CLOCK: variants seen among roughly 807,000 people sequenced by gnomAD.
CLOCK encodes the protein circadian locomoter output cycles protein kaput.
CLOCK carries 43 observed loss-of-function variants against 118.4 expected under a neutral mutation model. The observed-to-expected ratio is 0.36, with a 90% CI of 0.28 to 0.47. The LOEUF (loss-of-function observed/expected upper bound fraction) is 0.47, where lower values mean the gene tolerates loss of function less well. CLOCK is among the 20% of genes least tolerant of loss of function. The probability of loss-of-function intolerance (pLI) is 1.00; values close to 1 mark genes in which losing one functional copy is unlikely to be tolerated. For synonymous variants in CLOCK, 326 were observed against 339.2 expected, an observed-to-expected ratio of 0.96 and a Z score of 0.43; for missense variants, 846 against 999.9, an observed-to-expected ratio of 0.85 and a Z score of 2.08.
At chr4:55,482,863 T>C in intron 3 of CLOCK, 35 bp from the exon 4 acceptor site, 1 of 1,043,020 alleles carries the variant, frequency 9.6e-7, no homozygotes, top group Non-Finnish European at 1.5e-6. Context: ...GTCATTAGTT[T>C]TCTAAAAATG....
intron 2 of CLOCK, among the ~76,000 whole-genome samples, chr4:55,508,187 C>T (rs966581738): frequency 6.6e-6 from 1 of 152,194 alleles, no homozygotes; most frequent in African/African-American, 2.4e-5. Context: ...CAATGAACTA[C>T]TTTTGTTTCA....
chr4:55,449,489 T>C lies in CLOCK; in HGVS notation c.1356A>G (p.Pro452=). ...HTAVSDPSST[P]TKIPTDTSTP... ...TGCTCGTATCCGTCGGGATCTTGGTTGGTGTTGCTGAAGTCAACAAAATCA... is the reference window on the plus strand; with the variant it reads ...TGCTCGTATCCGTCGGGATCTTGGTCGGTGTTGCTGAAGTCAACAAAATCA... Residue 452 remains proline, a synonymous_variant, in exon 17 of 23, where the codon CCA becomes CCG. Coordinates refer to ENST00000513440, the MANE Select transcript of CLOCK (RefSeq NM_004898.4). 5 of 1,614,010 alleles carry C rather than the reference T, an allele frequency of 3.1e-6. No individual in the cohort carries two copies. Among genetic ancestry groups the C allele is most frequent in the Non-Finnish European group, 4.2e-6 (5 of 1,179,894 alleles).
chr4:55,527,520 T>A (rs1730284731), intron 1 of CLOCK, among the ~76,000 whole-genome samples: 2 of 151,872 alleles, frequency 1.3e-5, no homozygotes, highest in African/African-American at 4.8e-5. Context: ...ATACCTTTTT[T>A]AAAAAAAGAT....
intron 15 of CLOCK, 110 bp from the exon 16 acceptor site, chr4:55,450,342 A>G (rs1211225082): frequency 5.6e-6 from 7 of 1,241,048 alleles, no homozygotes; most frequent in Non-Finnish European, 7.1e-6. Context: ...ATAACAAGGC[A>G]AAAGTACCTG....
At chr4:55,543,095 T>A (rs925723514) in intron 1 of CLOCK, among the ~76,000 whole-genome samples, 2 of 152,090 alleles carry the variant, frequency 1.3e-5, no homozygotes, top group African/African-American at 4.8e-5. Context: ...TTTAAAAAAA[T>A]TTTGTAGCAA....
chr4:55,524,901 G>A lies in CLOCK; in HGVS notation c.-289-14836C>T, dbSNP rs1730076799. 4.0e-5 allele frequency among the ~76,000 whole-genome samples: 6 copies of A among 151,430 alleles called. No individual in the cohort carries two copies. In the Admixed American group the frequency reaches 4.0e-4, roughly 10 times the overall value. On this transcript the variant is annotated intron_variant, in intron 1 of 22. Coordinates refer to ENST00000513440, the MANE Select transcript of CLOCK (RefSeq NM_004898.4). ...TCTCCAGACTTATAACTTCCAGAAA[G>A]ATGATGTAATACTTTGGGAAATGCA... is the stretch of plus-strand genomic sequence containing the variant.
chr4:55,453,011 G>C (rs1295870334), intron 15 of CLOCK, 43 bp downstream of exon 15: 1 of 1,335,250 alleles, frequency 7.5e-7, no homozygotes. Context: ...TCTTTTATTG[G>C]GGAGAAATTA....
In CLOCK at chr4:55,546,769, G is replaced by A. The variant is rs1398074440; in HGVS notation, c.-290+13C>T. On this transcript the variant is annotated intron_variant, in intron 1 of 22. Coordinates refer to ENST00000513440, the MANE Select transcript of CLOCK (RefSeq NM_004898.4). Reference sequence around the variant, plus strand: ...TCGGCAGGCCCTGGGCCCACCGGGCGGGCGCCTCTCACCGGGAGCGCTCGC... The same window carrying A: ...TCGGCAGGCCCTGGGCCCACCGGGCAGGCGCCTCTCACCGGGAGCGCTCGC... 9.9e-5 allele frequency: 15 copies of A among 151,682 alleles called. No homozygotes were observed. Among genetic ancestry groups the A allele is most frequent in the African/African-American group, 3.2e-4 (13 of 41,236 alleles). The allele number at this position is 151,682 out of a possible 1,614,324, so 9.4% of individuals were successfully genotyped here. A position where few individuals can be genotyped will look rare whatever the true frequency, so the allele number is the denominator to read the frequency against.
At chr4:55,486,863 T>C (rs1727331848) in intron 3 of CLOCK, among the ~76,000 whole-genome samples, 1 of 152,196 alleles carries the variant, frequency 6.6e-6, no homozygotes, top group South Asian at 2.1e-4. Context: ...CTCAACAGGC[T>C]TTTCCTAACT....
chr4:55,430,131 A>G lies in CLOCK; in HGVS notation c.*5284T>C, dbSNP rs1722403063. The G allele has an allele frequency of 6.6e-6, 1 of 152,218 alleles. No individual in the cohort carries two copies. Among genetic ancestry groups the G allele is most frequent in the South Asian group, 2.1e-4 (1 of 4,834 alleles). 9.4% of individuals were successfully genotyped at this position (152,218 alleles called of 1,614,324 possible). A position where few individuals can be genotyped will look rare whatever the true frequency, so the allele number is the denominator to read the frequency against. ...ACCCCAGAGAACTGCTTTAAAAGCA[A>G]TTGCTTCTTTGAACCCCTTTCTAAA... On this transcript the variant is annotated 3_prime_UTR_variant, in exon 23 of 23. Coordinates refer to ENST00000513440, the MANE Select transcript of CLOCK (RefSeq NM_004898.4).
chr4:55,500,355 G>A (rs746358410), intron 2 of CLOCK, among the ~76,000 whole-genome samples: 1 of 151,978 alleles, frequency 6.6e-6, no homozygotes, highest in Non-Finnish European at 1.5e-5. Context: ...GGGGAGTGGT[G>A]TGTTTTGAGA....
intron 18 of CLOCK, among the ~76,000 whole-genome samples, 181 bp downstream of exon 18, chr4:55,448,598 G>GCA (rs1560421264): frequency 3.1e-4 from 23 of 73,982 alleles, no homozygotes; most frequent in African/African-American, 1.5e-3. Context: ...GCGCGCACGC[G>GCA]CGCGTGTGTG....
At chr4:55,481,267 C>A (rs1044997200) in intron 4 of CLOCK, among the ~76,000 whole-genome samples, 9 of 151,896 alleles carry the variant, frequency 5.9e-5, no homozygotes, top group African/African-American at 2.2e-4. Context: ...CCATGTAGGC[C>A]CTGAAATTTA....
At chr4:55,528,048 AT>A in intron 1 of CLOCK, among the ~76,000 whole-genome samples, 1 of 147,992 alleles carries the variant, frequency 6.8e-6, no homozygotes, top group East Asian at 2.0e-4. Flanking sequence ...AAAAAAAAAA[AT>A]CCTATGTTTT....
At chr4:55,465,073 G>A (rs1354964224) in intron 8 of CLOCK, among the ~76,000 whole-genome samples, 1 of 151,918 alleles carries the variant, frequency 6.6e-6, no homozygotes, top group Admixed American at 6.6e-5. Context: ...TTTATTACTT[G>A]TATTATTCAT....
chr4:55,504,670 G>T (rs138635972), intron 2 of CLOCK, among the ~76,000 whole-genome samples: 2 of 152,004 alleles, frequency 1.3e-5, no homozygotes, highest in Admixed American at 1.3e-4. Context: ...TTGTACTCAA[G>T]AATTTTTTAA....
chr4:55,461,304 CTGAG>C (rs1485505262), intron 9 of CLOCK, among the ~76,000 whole-genome samples: 1 of 151,552 alleles, frequency 6.6e-6, no homozygotes, highest in African/African-American at 2.4e-5. Context: ...AATTTTCTAC[CTGAG>C]TGATTTTTTT....
At position 55,430,166 on chromosome 4, in the gene CLOCK, A is replaced by C. The variant is rs1274788466; in HGVS notation, c.*5249T>G. ...TGAACCCCTTTCTAAATTCTTTCAT[A>C]AATACTTACTAGTTTGATTGTCACT... is the stretch of plus-strand genomic sequence containing the variant. On this transcript the variant is annotated 3_prime_UTR_variant, in exon 23 of 23. Transcript: ENST00000513440. The C allele has an allele frequency of 6.6e-6, 1 of 152,182 alleles. No homozygotes were observed. Among genetic ancestry groups the C allele is most frequent in the Non-Finnish European group, 1.5e-5 (1 of 68,030 alleles). 9.4% of individuals were successfully genotyped at this position (152,182 alleles called of 1,614,324 possible).
intron 3 of CLOCK, among the ~76,000 whole-genome samples, chr4:55,483,183 A>C (rs1299331615): frequency 6.6e-6 from 1 of 152,166 alleles, no homozygotes; most frequent in African/African-American, 2.4e-5. Context: ...TTGAAAGCCT[A>C]TTTTCTGCTA....
Sources: allele counts gnomAD v4.1 joint callset (sites outside exome capture counted in the v4.1 genomes callset), GRCh38; gene constraint gnomAD v4.1.1; transcripts MANE v1.5; gene names NCBI Gene and HGNC (gene_info 2026-07-23, HGNC 2026-07-21).